Variants in NREP observed in about 807,000 individuals in gnomAD.
The protein encoded by NREP is neuronal regeneration related protein.
In NREP, 5 loss-of-function variants were observed where a neutral mutation model predicts 8.6. The observed-to-expected ratio is 0.58, with a 90% confidence interval of 0.30 to 1.22. The LOEUF (loss-of-function observed/expected upper bound fraction) is 1.22, where lower values mean the gene tolerates loss of function less well. Ranked by LOEUF, NREP falls within the 50% of genes most tolerant of loss-of-function variation. The probability of loss-of-function intolerance (pLI) is 0.07; values close to 1 mark genes in which losing one functional copy is unlikely to be tolerated. For missense variants in NREP, 86 were observed against 82.5 expected (o/e 1.04, Z -0.17); for synonymous variants, 27 against 28.0 (o/e 0.96, Z 0.11).
In NREP at chr5:111,945,633, AAATT is replaced by A. The variant is rs1236477964; in HGVS notation, c.135+29637_135+29640del. On this transcript the variant is annotated intron_variant, in intron 2 of 3. Transcript: ENST00000395634. ...AAGTGACATACTGTAATCTCAAAATAAATTAACCACAAAAATGAAATTGTTGACA... is the reference window on the plus strand; with the variant it reads ...AAGTGACATACTGTAATCTCAAAATAAACCACAAAAATGAAATTGTTGACA... Among the ~76,000 whole-genome samples the A allele has an allele frequency of 5.3e-5, 8 of 152,216 alleles. No homozygotes were observed. The South Asian group carries it at 6.2e-4, about 12-fold the overall frequency.
At chr5:111,779,133 T>C (rs1581111167) in intron 2 of NREP, among the ~76,000 whole-genome samples, 2 of 152,318 alleles carry the variant, frequency 1.3e-5, no homozygotes, top group East Asian at 1.9e-4. Flanking sequence ...TATTTTTCTT[T>C]CTCCCATCCC....
chr5:111,867,140 TAA>T (rs111229446), intron 2 of NREP, among the ~76,000 whole-genome samples: 18 of 140,538 alleles, frequency 1.3e-4, no homozygotes, highest in Non-Finnish European at 9.4e-5. Context: ...GAACTTTAAT[TAA>T]AAAAAAAAAA....
chr5:111,819,769 C>G (rs1272050516), intron 2 of NREP, among the ~76,000 whole-genome samples: 5 of 152,172 alleles, frequency 3.3e-5, no homozygotes, highest in East Asian at 1.9e-4. Flanking sequence ...CATTATATCT[C>G]AAGCCTGAAT....
At chr5:111,900,524 G>A (rs1581203063) in intron 2 of NREP, among the ~76,000 whole-genome samples, 1 of 151,672 alleles carries the variant, frequency 6.6e-6, no homozygotes, top group South Asian at 2.1e-4. Flanking sequence ...TAGTTACACT[G>A]CCAAGAAAAA....
intron 3 of NREP, chr5:111,734,502 G>C (rs1581030272): frequency 2.4e-6 from 1 of 410,978 alleles, no homozygotes; most frequent in Non-Finnish European, 4.3e-6. Context: ...TGCTCTGCAA[G>C]ATTAAAAGTG....
chr5:111,848,543 G>A (rs1036414872), intron 2 of NREP, among the ~76,000 whole-genome samples: 1 of 152,166 alleles, frequency 6.6e-6, no homozygotes, highest in Admixed American at 6.6e-5. Flanking sequence ...GTATACTACA[G>A]TGCAGTGTTG....
chr5:111,906,871 T>C (rs1181235446), intron 2 of NREP, among the ~76,000 whole-genome samples: 2 of 152,066 alleles, frequency 1.3e-5, no homozygotes, highest in Non-Finnish European at 2.9e-5. Flanking sequence ...TTACTTACTA[T>C]GTGATTTTAA....
intron 2 of NREP, among the ~76,000 whole-genome samples, chr5:111,773,478 T>C (rs889635923): frequency 5.3e-5 from 8 of 152,190 alleles, no homozygotes; most frequent in African/African-American, 1.9e-4. Flanking sequence ...CTCAAGAAAT[T>C]AGAAGATGAT....
intron 2 of NREP, among the ~76,000 whole-genome samples, chr5:111,886,589 T>G (rs368534876): frequency 0.028 from 4,286 of 150,798 alleles, 212 homozygotes; most frequent in East Asian, 0.23. Flanking sequence ...CCAACAATGA[T>G]AGACTGGATT....
At chr5:111,759,932 A>G (rs1750922125), upstream of NREP, among the ~76,000 whole-genome samples, 1 of 152,176 alleles carries the variant, frequency 6.6e-6, no homozygotes, top group African/African-American at 2.4e-5. Context: ...CAGTGTGACT[A>G]TAGTCTGACT....
intron 2 of NREP, among the ~76,000 whole-genome samples, chr5:111,800,396 G>A (rs933205100): frequency 7.9e-5 from 12 of 152,202 alleles, no homozygotes; most frequent in Admixed American, 2.6e-4. Context: ...AGCTTCATGG[G>A]CATGCCACTT....
intron 2 of NREP, among the ~76,000 whole-genome samples, chr5:111,772,955 T>G (rs1289103563): frequency 1.3e-5 from 2 of 152,192 alleles, no homozygotes; most frequent in Non-Finnish European, 2.9e-5. Flanking sequence ...ATTCAAATGT[T>G]CCATTTTAGG....
chr5:111,828,442 A>G (rs1752681108), intron 2 of NREP, among the ~76,000 whole-genome samples: 2 of 152,162 alleles, frequency 1.3e-5, no homozygotes, highest in African/African-American at 4.8e-5. Flanking sequence ...TTATAGAAAA[A>G]AAAATTGTTG....
chr5:111,798,833 G>A (rs1220586136), intron 2 of NREP, among the ~76,000 whole-genome samples: 4 of 151,360 alleles, frequency 2.6e-5, no homozygotes, highest in Non-Finnish European at 4.4e-5. Context: ...TGATCGATGG[G>A]CATTTAAGCT....
chr5:111,962,899 G>A (rs531447813), intron 2 of NREP, among the ~76,000 whole-genome samples: 37 of 152,310 alleles, frequency 2.4e-4, no homozygotes, highest in Admixed American at 1.2e-3. Flanking sequence ...TCCACTGACA[G>A]CCACTTCCAT....
intron 2 of NREP, chr5:111,846,518 T>C (rs1384567703): frequency 6.6e-6 from 1 of 150,574 alleles, no homozygotes; most frequent in East Asian, 2.0e-4. Flanking sequence ...GCTTAGCTCA[T>C]TGATCTCTTG....
At chr5:111,951,603 CT>C (rs1340595215) in intron 2 of NREP, among the ~76,000 whole-genome samples, 1 of 152,018 alleles carries the variant, frequency 6.6e-6, no homozygotes, top group African/African-American at 2.4e-5. Flanking sequence ...AGGGTATAAA[CT>C]TAGCAGTCAC....
At chr5:111,879,668 G>A (rs778229702) in intron 2 of NREP, among the ~76,000 whole-genome samples, 15 of 152,110 alleles carry the variant, frequency 9.9e-5, no homozygotes, top group Middle Eastern at 3.2e-3. Context: ...ACGATATACC[G>A]TAGACTGGAC....
At chr5:111,783,742 C>T (rs978706005) in intron 2 of NREP, among the ~76,000 whole-genome samples, 1 of 152,120 alleles carries the variant, frequency 6.6e-6, no homozygotes, top group African/African-American at 2.4e-5. Context: ...TTAATATAAC[C>T]TCCTGAGAAA....
Sources: allele counts gnomAD v4.1 joint callset (sites outside exome capture counted in the v4.1 genomes callset), GRCh38; gene constraint gnomAD v4.1.1; transcripts MANE v1.5; gene names NCBI Gene and HGNC (gene_info 2026-07-23, HGNC 2026-07-21).